SFMBT1: variants seen among roughly 807,000 people sequenced by gnomAD.
SFMBT1 encodes scm-like with four MBT domains protein 1.
Under a neutral mutation model 108.7 loss-of-function variants are expected in SFMBT1, and 32 were observed. The observed-to-expected ratio is 0.29, with a 90% CI of 0.22 to 0.40. SFMBT1 has a LOEUF of 0.40. Ranked by LOEUF, SFMBT1 falls within the 10% of genes least tolerant of loss-of-function variation. The pLI is 1.00. For missense variants in SFMBT1, 816 were observed against 1,059.6 expected (o/e 0.77, Z 3.19); for synonymous variants, 348 against 369.5 (o/e 0.94, Z 0.67).
At chr3:53,015,680 A>G (rs1049935025) in intron 1 of SFMBT1, among the ~76,000 whole-genome samples, 2 of 152,246 alleles carry the variant, frequency 1.3e-5, no homozygotes, top group Admixed American at 6.5e-5. Flanking sequence ...ACCAGGTCCA[A>G]AAGACCACAT....
chr3:53,039,027 A>G (rs906760549), intron 1 of SFMBT1, among the ~76,000 whole-genome samples: 3 of 152,122 alleles, frequency 2.0e-5, no homozygotes, highest in African/African-American at 7.2e-5. Context: ...TCCTTACTCA[A>G]TGTTACCCTG....
chr3:52,969,612 AG>A (rs1490423053), intron 1 of SFMBT1, among the ~76,000 whole-genome samples: 1 of 152,198 alleles, frequency 6.6e-6, no homozygotes, highest in Non-Finnish European at 1.5e-5. Flanking sequence ...ATGGTCTCCT[AG>A]GGAGACAGGG....
At chr3:52,946,155 T>C (rs577799990) in intron 3 of SFMBT1, among the ~76,000 whole-genome samples, 9 of 152,276 alleles carry the variant, frequency 5.9e-5, no homozygotes, top group African/African-American at 1.9e-4. Context: ...ATAGTTGACA[T>C]GCAATATAGG....
chr3:52,985,282 A>G (rs1014529804), intron 1 of SFMBT1, among the ~76,000 whole-genome samples: 38 of 152,246 alleles, frequency 2.5e-4, no homozygotes, highest in African/African-American at 8.9e-4. Flanking sequence ...CTGTAATTTC[A>G]TGGTTGCTGT....
intron 1 of SFMBT1, among the ~76,000 whole-genome samples, chr3:52,979,443 T>A (rs1328661585): frequency 6.6e-6 from 1 of 152,226 alleles, no homozygotes; most frequent in Non-Finnish European, 1.5e-5. Context: ...TTCCGCCACA[T>A]AGCTCTACCA....
chr3:53,005,934 G>A (rs966756821), intron 1 of SFMBT1, among the ~76,000 whole-genome samples: 5 of 152,182 alleles, frequency 3.3e-5, no homozygotes, highest in Non-Finnish European at 7.3e-5. Context: ...GCAACCAGAA[G>A]GGCACTCTGG....
At chr3:52,959,530 C>T (rs1044739620) in intron 2 of SFMBT1, among the ~76,000 whole-genome samples, 2 of 152,180 alleles carry the variant, frequency 1.3e-5, no homozygotes, top group African/African-American at 4.8e-5. Flanking sequence ...TAATCATACT[C>T]TTTCTACAAA....
At chr3:53,007,926 T>C (rs935108288) in intron 1 of SFMBT1, among the ~76,000 whole-genome samples, 5 of 152,148 alleles carry the variant, frequency 3.3e-5, no homozygotes, top group African/African-American at 1.2e-4. Context: ...CAAACCCAAA[T>C]TGAAGGACAG....
At chr3:52,927,478 C>A (rs1702691387) in intron 9 of SFMBT1, among the ~76,000 whole-genome samples, 2 of 152,174 alleles carry the variant, frequency 1.3e-5, no homozygotes, top group South Asian at 4.1e-4. Flanking sequence ...TGAAAACCTA[C>A]TAATAACATA....
rs967471147 is a variant in SFMBT1 at position 52,904,547 on chromosome 3, C to T, written c.*589G>A. 1.3e-5 allele frequency: 2 copies of T among 152,584 alleles called. No homozygotes were observed. The highest frequency in any genetic ancestry group is 4.8e-5 in the African/African-American group (2 of 41,434). The allele number at this position is 152,584 out of a possible 1,614,324, so 9.5% of individuals were successfully genotyped here. On this transcript the variant is annotated 3_prime_UTR_variant, in exon 21 of 21. Coordinates refer to ENST00000394752, the MANE Select transcript of SFMBT1 (RefSeq NM_016329.4). ...AACAGAGGTAGTAAACAAAGGAACT[C>T]CTAAGAATCGATTTTAAAATGATCA...
At chr3:52,927,397 T>C (rs1702688994) in intron 9 of SFMBT1, among the ~76,000 whole-genome samples, 1 of 152,218 alleles carries the variant, frequency 6.6e-6, no homozygotes, top group Non-Finnish European at 1.5e-5. Flanking sequence ...ATGACCCTTG[T>C]TAACAAGAAA....
intron 1 of SFMBT1, among the ~76,000 whole-genome samples, chr3:52,992,635 T>C (rs1705180453): frequency 6.6e-6 from 1 of 152,216 alleles, no homozygotes; most frequent in East Asian, 1.9e-4. Flanking sequence ...CCTTCCTCAG[T>C]ATGTTTCCTT....
chr3:52,975,776 A>G (rs1300627661), intron 1 of SFMBT1, among the ~76,000 whole-genome samples: 3 of 152,060 alleles, frequency 2.0e-5, no homozygotes, highest in Non-Finnish European at 4.4e-5. Context: ...TACTTTTTGT[A>G]TTTTTGGTAG....
Position 52,932,334 on chromosome 3 carries a change from C to A in SFMBT1, c.454-26G>T, listed in dbSNP as rs191073200. The stretch of plus-strand genomic sequence containing the variant: ...CTGTAGGATTAAAAAGTAAAACAAC[C>A]CAGTAAGAGAAATTAACATAATATT... On this transcript the variant is annotated intron_variant, in intron 5 of 20. Coordinates refer to ENST00000394752, the MANE Select transcript of SFMBT1 (RefSeq NM_016329.4). 2.2e-4 allele frequency: 351 copies of A among 1,589,872 alleles called. 1 individual carries two copies. The African/African-American group carries it at 4.6e-3, about 21-fold the overall frequency.
At chr3:52,921,625 T>C (rs1301122682) in intron 11 of SFMBT1, 80 bp downstream of exon 11, 1 of 1,478,176 alleles carries the variant, frequency 6.8e-7, no homozygotes, top group East Asian at 2.3e-5. Flanking sequence ...CCATTAAGTT[T>C]AACAGGCAAC....
chr3:52,973,862 G>T (rs1013339523), intron 1 of SFMBT1, among the ~76,000 whole-genome samples: 1 of 151,824 alleles, frequency 6.6e-6, no homozygotes, highest in African/African-American at 2.4e-5. Flanking sequence ...CAAGTGATCC[G>T]CCTGCCTCAG....
intron 1 of SFMBT1, among the ~76,000 whole-genome samples, chr3:53,000,928 AT>A (rs1399267623): frequency 1.7e-4 from 25 of 150,478 alleles, no homozygotes; most frequent in South Asian, 8.4e-4. Flanking sequence ...ATGAAAAAAA[AT>A]ATATGAAAAG....
intron 1 of SFMBT1, among the ~76,000 whole-genome samples, chr3:53,043,934 G>C (rs1327081701): frequency 1.3e-5 from 2 of 152,176 alleles, no homozygotes; most frequent in Non-Finnish European, 1.5e-5. Context: ...AGTCAGAATT[G>C]TGGTTGCCTT....
At chr3:52,967,684 G>A (rs1476623515) in intron 2 of SFMBT1, among the ~76,000 whole-genome samples, 1 of 152,140 alleles carries the variant, frequency 6.6e-6, no homozygotes, top group African/African-American at 2.4e-5. Context: ...TTTCACTGAC[G>A]AGGATATGCA....
Sources: gnomAD v4.1 joint callset for allele counts (sites outside exome capture counted in the v4.1 genomes callset) on GRCh38, gnomAD v4.1.1 for gene constraint, MANE v1.5 for transcripts, NCBI Gene and HGNC (gene_info 2026-07-23, HGNC 2026-07-21) for gene names.